The following ZXDB variants were observed in gnomAD, a reference collection of about 807,000 sequenced individuals.
The protein encoded by ZXDB is zinc finger X-linked protein ZXDB.
For missense variants in ZXDB, 413 were observed against 679.1 expected (o/e 0.61, Z 4.36); for synonymous variants, 273 against 314.3 (o/e 0.87, Z 1.39).
In ZXDB at chrX:57,595,782, A is replaced by G. The variant is rs1013799986; in HGVS notation, c.*1322A>G. 4.9e-5 allele frequency: 6 copies of G among 123,348 alleles called. No individual in the cohort carries two copies. The highest frequency in any genetic ancestry group is 1.1e-4 in the Non-Finnish European group (6 of 53,257). 10.2% of individuals were successfully genotyped at this position (123,348 alleles called of 1,213,427 possible). On this transcript the variant is annotated 3_prime_UTR_variant, in exon 1 of 1. Transcript: ENST00000374888. Reference sequence around the variant, plus strand: ...TTGACATGAAACAGACCCAGGGCTAAATTTTGGCTCTGTGGTGTTGGATAA... The same window carrying G: ...TTGACATGAAACAGACCCAGGGCTAGATTTTGGCTCTGTGGTGTTGGATAA...
chrX:57,594,189 T>C lies in ZXDB; in HGVS notation c.2141T>C (p.Met714Thr), dbSNP rs763788773. The change falls in exon 1 of 1, where the codon ATG becomes ACG. Residue 714 changes from methionine to threonine, a missense_variant. Transcript: ENST00000374888. ...TTGGGATCTCTGGACTCTTTGGCCA[T>C]GAAAAACTCCAGTCCAGAGCCTCAG... The part of the protein sequence containing the change: ...GPLGSLDSLA[M>T]KNSSPEPQAL... 116 of 1,201,478 alleles carry C rather than the reference T, an allele frequency of 9.7e-5. 1 individual carries two copies. The Admixed American group carries it at 2.5e-3, about 26-fold the overall frequency.
rs1474239783 is a variant in ZXDB, at chrX:57,597,102, G to C, written c.*2642G>C. ...ATGTCTGTGGATGACAGTTATTGTA[G>C]CACTTTGGCAGTGCACTAAAATTTT... On this transcript the variant is annotated 3_prime_UTR_variant, in exon 1 of 1. Transcript: ENST00000374888. 1 of 123,219 alleles carries C rather than the reference G, an allele frequency of 8.1e-6. No individual in the cohort carries two copies. The highest frequency in any genetic ancestry group is 3.3e-5 in the African/African-American group (1 of 30,739). 10.2% of individuals were successfully genotyped at this position (123,219 alleles called of 1,213,427 possible).
chrX:57,592,314 G>T lies in ZXDB; in HGVS notation c.266G>T (p.Gly89Val). The change falls in exon 1 of 1, where the codon GGC becomes GTC. Residue 89 changes from glycine to valine, a missense_variant. Physicochemically the swap from Gly to Val is moderately radical, Grantham distance 109. Transcript: ENST00000374888. ...CCTAGCGGCGGCGGCGGCGGCGGCG[G>T]CGACGACTTCTTCCTGGTGCTGCTT... ...DQPSGGGGGG[G>V]DDFFLVLLDP... The T allele has an allele frequency of 8.4e-7, 1 of 1,190,081 alleles. No individual in the cohort carries two copies. The highest frequency in any genetic ancestry group is 1.8e-5 in the African/African-American group (1 of 55,856).
rs1189585463 is a variant in ZXDB, at chrX:57,592,624, A to C, written c.576A>C (p.Pro192=). 1 of 1,192,941 alleles carries C rather than the reference A, an allele frequency of 8.4e-7. No individual in the cohort carries two copies. The highest frequency in any genetic ancestry group is 1.8e-5 in the African/African-American group (1 of 55,226). Residue 192 remains proline (P), a synonymous_variant, in exon 1 of 1, where the codon CCA becomes CCC. Coordinates refer to ENST00000374888, the MANE Select transcript of ZXDB (RefSeq NM_007157.4). ...NGVLTLATPP[P]HAWEPGAAPA... ...TCCTCACCCTGGCCACGCCCCCACCACACGCCTGGGAGCCAGGGGCCGCTC... is the reference window on the plus strand; with the variant it reads ...TCCTCACCCTGGCCACGCCCCCACCCCACGCCTGGGAGCCAGGGGCCGCTC...
Position 57,592,208 on chromosome X carries a change from G to C in ZXDB, c.160G>C (p.Gly54Arg). The part of the protein sequence containing the change: ...LLLLRGPQDG[G>R]PGRRREEAST... The stretch of plus-strand genomic sequence containing the variant: ...GCTGCTCCGGGGCCCCCAAGATGGC[G>C]GGCCCGGGCGGCGGCGCGAGGAGGC... Residue 54 changes from glycine to arginine, a missense_variant, in exon 1 of 1, where the codon GGG (glycine) becomes CGG (arginine). Physicochemically the swap from Gly to Arg is moderately radical, Grantham distance 125. Transcript: ENST00000374888. 1.9e-6 allele frequency: 2 copies of C among 1,067,902 alleles called. No individual in the cohort carries two copies. Among genetic ancestry groups the C allele is most frequent in the African/African-American group, 1.9e-5 (1 of 51,480 alleles). The allele number at this position is 1,067,902 out of a possible 1,213,427, so 88.0% of individuals were successfully genotyped here. A position where few individuals can be genotyped will look rare whatever the true frequency, so the allele number is the denominator to read the frequency against.
chrX:57,592,685 G>A lies in ZXDB; in HGVS notation c.637G>A (p.Ala213Thr). Residue 213 changes from alanine (A) to threonine (T), a missense_variant, in exon 1 of 1, where the codon GCT (alanine) becomes ACT (threonine). Physicochemically the swap from Ala to Thr is moderately conservative, Grantham distance 58. Transcript: ENST00000374888. Reference sequence around the variant, plus strand: ...GCCCGGGTGTCTGATCGCCCCGCAAGCTGGGTTCCCGCATGCCGCGCACCC... The same window carrying A: ...GCCCGGGTGTCTGATCGCCCCGCAAACTGGGTTCCCGCATGCCGCGCACCC... ...QQPGCLIAPQ[A>T]GFPHAAHPGD... 8.4e-7 allele frequency: 1 copy of A among 1,188,571 alleles called. No homozygotes were observed. Among genetic ancestry groups the A allele is most frequent in the Non-Finnish European group, 1.1e-6 (1 of 886,513 alleles).
Position 57,594,420 on chromosome X carries a change from C to G in ZXDB, c.2372C>G (p.Thr791Arg), listed in dbSNP as rs1057343. 68 of 1,208,494 alleles carry G rather than the reference C, an allele frequency of 5.6e-5. No homozygotes were observed. The Middle Eastern group carries it at 6.9e-4, about 12-fold the overall frequency. Residue 791 changes from threonine (T) to arginine (R), a missense_variant, in exon 1 of 1, where the codon ACA becomes AGA. Transcript: ENST00000374888. ...AAGNHGSQKE[T>R]DLITVTGSSF... is the part of the protein sequence containing the mutation. ...GGAAACCATGGTTCTCAGAAAGAAA[C>G]AGATCTTATCACTGTGACTGGCAGC...
At position 57,592,465 on chromosome X, in the gene ZXDB, C is replaced by A; in HGVS notation, c.417C>A (p.Pro139=). 1 of 1,172,946 alleles carries A rather than the reference C, an allele frequency of 8.5e-7. No individual in the cohort carries two copies. Among genetic ancestry groups the A allele is most frequent in the East Asian group, 3.2e-5 (1 of 31,407 alleles). ...GGESGANPAG[P]TALGPRCLSA... is the part of the protein sequence containing the mutation. ...AGAGCGGCGCGAATCCCGCGGGGCC[C>A]ACTGCGCTAGGCCCCCGCTGCCTGT... Residue 139 remains proline, a synonymous_variant, in exon 1 of 1, where the codon CCC becomes CCA. Coordinates refer to ENST00000374888, the MANE Select transcript of ZXDB (RefSeq NM_007157.4).
chrX:57,596,567 A>T lies in ZXDB; in HGVS notation c.*2107A>T, dbSNP rs1406580907. ...TCCAACTAGGCTTTGGCTAAATCTG[A>T]CAATTTTATATATAGCTTAAAACAA... is the stretch of plus-strand genomic sequence containing the variant. On this transcript the variant is annotated 3_prime_UTR_variant, in exon 1 of 1. Transcript: ENST00000374888. The T allele has an allele frequency of 8.1e-6, 1 of 123,374 alleles. No homozygotes were observed. Among genetic ancestry groups the T allele is most frequent in the Non-Finnish European group, 1.9e-5 (1 of 53,237 alleles). 10.2% of individuals were successfully genotyped at this position (123,374 alleles called of 1,213,427 possible). A position where few individuals can be genotyped will look rare whatever the true frequency, so the allele number is the denominator to read the frequency against.
At position 57,593,090 on chromosome X, in the gene ZXDB, G is replaced by A; in HGVS notation, c.1042G>A (p.Val348Met). The A allele has an allele frequency of 8.3e-7, 1 of 1,211,939 alleles. No individual in the cohort carries two copies. Among genetic ancestry groups the A allele is most frequent in the Non-Finnish European group, 1.1e-6 (1 of 895,537 alleles). The change falls in exon 1 of 1, where the codon GTG (valine) becomes ATG (methionine). Residue 348 changes from valine (V) to methionine (M), a missense_variant. By Grantham distance (21) the Val-to-Met change is conservative (BLOSUM62 1). Transcript: ENST00000374888. ...AEGCGKSFTT[V>M]YNLKAHMKGH... ...GGGCTGTGGCAAGAGCTTCACCACA[G>A]TGTACAACCTCAAGGCGCACATGAA...
chrX:57,593,698 G>C lies in ZXDB; in HGVS notation c.1650G>C (p.Pro550=), dbSNP rs1457558090. ...TGGACACTTGGAAAAGCCGTTGCCCGATCTCCTCTTGTAATAAACTCTTCA... is the reference window on the plus strand; with the variant it reads ...TGGACACTTGGAAAAGCCGTTGCCCCATCTCCTCTTGTAATAAACTCTTCA... ...QDVDTWKSRC[P]ISSCNKLFTS... Residue 550 remains proline (P), a synonymous_variant, in exon 1 of 1, where the codon CCG becomes CCC. Transcript: ENST00000374888. 8.3e-7 allele frequency: 1 copy of C among 1,203,787 alleles called. No individual in the cohort carries two copies. The highest frequency in any genetic ancestry group is 3.0e-5 in the East Asian group (1 of 33,536).
rs1344140140 is a variant in ZXDB at position 57,592,802 on chromosome X, C to G, written c.754C>G (p.Pro252Ala). Residue 252 changes from proline to alanine, a missense_variant, in exon 1 of 1, where the codon CCG becomes GCG. Coordinates refer to ENST00000374888, the MANE Select transcript of ZXDB (RefSeq NM_007157.4). The part of the protein sequence containing the change: ...APAPEEEAEG[P>A]AAALGPRGPL... ...GGCGCCTGAGGAGGAGGCGGAGGGC[C>G]CGGCCGCCGCCCTGGGCCCCCGCGG... 6 of 1,144,255 alleles carry G rather than the reference C, an allele frequency of 5.2e-6. No homozygotes were observed. In the Admixed American group the frequency reaches 1.8e-4, roughly 34 times the overall value. The allele number at this position is 1,144,255 out of a possible 1,213,427, so 94.3% of individuals were successfully genotyped here. A position where few individuals can be genotyped will look rare whatever the true frequency, so the allele number is the denominator to read the frequency against.
rs2057904948 is a variant in ZXDB at position 57,594,337 on chromosome X, T to C, written c.2289T>C (p.Pro763=). ...TPTKAEWNVH[P]DSDFFGQEGE... ...CCAAAGCGGAGTGGAACGTACATCC[T>C]GACTCTGACTTCTTTGGACAGGAGG... Residue 763 remains proline, a synonymous_variant, in exon 1 of 1, where the codon CCT becomes CCC. Transcript: ENST00000374888. 1 of 1,211,994 alleles carries C rather than the reference T, an allele frequency of 8.3e-7. No individual in the cohort carries two copies. Among genetic ancestry groups the C allele is most frequent in the African/African-American group, 1.7e-5 (1 of 57,813 alleles).
rs2057902472 is a variant in ZXDB at position 57,593,702 on chromosome X, T to C, written c.1654T>C (p.Ser552Pro). The change falls in exon 1 of 1, where the codon TCC becomes CCC. Residue 552 changes from serine to proline, a missense_variant. Transcript: ENST00000374888. The part of the protein sequence containing the change: ...VDTWKSRCPI[S>P]SCNKLFTSKH... ...CACTTGGAAAAGCCGTTGCCCGATC[T>C]CCTCTTGTAATAAACTCTTCACATC... 1 of 1,203,896 alleles carries C rather than the reference T, an allele frequency of 8.3e-7. No individual in the cohort carries two copies. Among genetic ancestry groups the C allele is most frequent in the Admixed American group, 2.2e-5 (1 of 45,087 alleles).
chrX:57,593,490 A>G lies in ZXDB; in HGVS notation c.1442A>G (p.Asp481Gly). The change falls in exon 1 of 1, where the codon GAC becomes GGC. Residue 481 changes from aspartate (D) to glycine (G), a missense_variant. Physicochemically the swap from Asp to Gly is moderately conservative, Grantham distance 94. Transcript: ENST00000374888. ...AGGCACAAAAGAAAGCACGACGATGACCGGAGGTTCATGTGCCCTGTGGAA... is the reference window on the plus strand; with the variant it reads ...AGGCACAAAAGAAAGCACGACGATGGCCGGAGGTTCATGTGCCCTGTGGAA... ...LLRHKRKHDD[D>G]RRFMCPVEGC... 8.3e-7 allele frequency: 1 copy of G among 1,211,675 alleles called. No homozygotes were observed. The highest frequency in any genetic ancestry group is 1.1e-6 in the Non-Finnish European group (1 of 895,525).
rs909325992 is a variant in ZXDB at position 57,596,833 on chromosome X, T to C, written c.*2373T>C. 8 of 123,396 alleles carry C rather than the reference T, an allele frequency of 6.5e-5. No individual in the cohort carries two copies. The highest frequency in any genetic ancestry group is 2.6e-4 in the African/African-American group (8 of 30,831). 10.2% of individuals were successfully genotyped at this position (123,396 alleles called of 1,213,427 possible). A position where few individuals can be genotyped will look rare whatever the true frequency, so the allele number is the denominator to read the frequency against. On this transcript the variant is annotated 3_prime_UTR_variant, in exon 1 of 1. Transcript: ENST00000374888. The stretch of plus-strand genomic sequence containing the variant: ...TCAGACATTCTCCTCATGGCACATT[T>C]TCTTCAAATGCTAACATTTACTGAG...
chrX:57,593,839 G>A lies in ZXDB; in HGVS notation c.1791G>A (p.Gln597=), dbSNP rs909360037. ...SLTPSSELTS[Q]RQNDLSDAEI... is the part of the protein sequence containing the mutation. ...CACCCAGCAGTGAACTTACCAGCCA[G>A]AGACAGAATGATCTCAGTGATGCAG... is the stretch of plus-strand genomic sequence containing the variant. Residue 597 remains glutamine, a synonymous_variant, in exon 1 of 1, where the codon CAG becomes CAA. Coordinates refer to ENST00000374888, the MANE Select transcript of ZXDB (RefSeq NM_007157.4). 1.7e-5 allele frequency: 21 copies of A among 1,207,616 alleles called. 1 individual carries two copies. In the Admixed American group the frequency reaches 2.2e-4, roughly 13 times the overall value.
Position 57,594,377 on chromosome X carries a change from G to A in ZXDB, c.2329G>A (p.Gly777Arg), listed in dbSNP as rs767257458. Reference protein sequence around the residue: ...FFGQEGETQFGFPNAAGNHGS... With the variant: ...FFGQEGETQFRFPNAAGNHGS... ...TGGACAGGAGGGAGAAACCCAGTTT[G>A]GATTCCCCAATGCAGCAGGAAACCA... Residue 777 changes from glycine (G) to arginine (R), a missense_variant, in exon 1 of 1, where the codon GGA (glycine) becomes AGA (arginine). Gly to Arg is a moderately radical substitution (Grantham distance 125). Coordinates refer to ENST00000374888, the MANE Select transcript of ZXDB (RefSeq NM_007157.4). 4.9e-5 allele frequency: 59 copies of A among 1,210,132 alleles called. No homozygotes were observed. The highest frequency in any genetic ancestry group is 6.4e-5 in the Non-Finnish European group (57 of 895,299).
rs1223722127 is a variant in ZXDB, at chrX:57,593,746, G to C, written c.1698G>C (p.Thr566=). The C allele has an allele frequency of 1.7e-6, 2 of 1,206,231 alleles. No homozygotes were observed. Among genetic ancestry groups the C allele is most frequent in the Middle Eastern group, 2.3e-4 (1 of 4,366 alleles). Reference sequence around the variant, plus strand: ...TCACATCCAAGCACAGCATGAAGACGCACATGGTTAAAAGGCATAAGGTGG... The same window carrying C: ...TCACATCCAAGCACAGCATGAAGACCCACATGGTTAAAAGGCATAAGGTGG... ...KLFTSKHSMK[T]HMVKRHKVGQ... is the part of the protein sequence containing the mutation. The change falls in exon 1 of 1, where the codon ACG becomes ACC. Residue 566 remains threonine, a synonymous_variant. Coordinates refer to ENST00000374888, the MANE Select transcript of ZXDB (RefSeq NM_007157.4).
Sources: allele counts gnomAD v4.1 joint callset, GRCh38; gene constraint gnomAD v4.1.1; transcripts MANE v1.5; gene names NCBI Gene and HGNC (gene_info 2026-07-23, HGNC 2026-07-21).